Variants in SYNE1 observed in about 807,000 individuals in gnomAD.
The protein encoded by SYNE1 is spectrin repeat containing nuclear envelope protein 1.
In SYNE1, 616 loss-of-function variants were observed where a neutral mutation model predicts 1,111.0. The ratio of observed to expected loss-of-function variants is 0.55; its 90% CI spans 0.52 to 0.59. The LOEUF is 0.59. Among genes scored for constraint, SYNE1 ranks in the 20% least tolerant of loss-of-function variants. SYNE1 has a pLI of 0.00. For synonymous variants in SYNE1, 3,855 were observed against 3,825.8 expected, an observed-to-expected ratio of 1.01 and a Z score of -0.28; for missense variants, 10,006 against 10,417.0, an observed-to-expected ratio of 0.96 and a Z score of 1.72.
At chr6:152,150,951 C>A (rs1483869660) in intron 135 of SYNE1, among the ~76,000 whole-genome samples, 1 of 152,120 alleles carries the variant, frequency 6.6e-6, no homozygotes, top group African/African-American at 2.4e-5. Context: ...GTGGCTCACA[C>A]CTGTAATCCC....
In SYNE1 at chr6:152,477,418, C is replaced by T. The variant is rs143531456; in HGVS notation, c.1351-5005G>A. On this transcript the variant is annotated intron_variant, in intron 14 of 145. Coordinates refer to ENST00000367255, the MANE Select transcript of SYNE1 (RefSeq NM_182961.4). The stretch of plus-strand genomic sequence containing the variant: ...CTTAAAGAGATGAAGAAGAACACAA[C>T]GGGAATATCAGTAAGAGGATGTTTC... Among the ~76,000 whole-genome samples the T allele has an allele frequency of 1.2e-4, 19 of 152,082 alleles. No homozygotes were observed. In the East Asian group the frequency reaches 1.7e-3, roughly 14 times the overall value.
chr6:152,473,759 C>T (rs1406098308), intron 14 of SYNE1, among the ~76,000 whole-genome samples: 1 of 152,178 alleles, frequency 6.6e-6, no homozygotes, highest in Non-Finnish European at 1.5e-5. Context: ...CTGAAACTTT[C>T]CCAAGTGACT....
chr6:152,224,762 A>G (rs2081061341), intron 116 of SYNE1, 98 bp from the exon 117 acceptor site: 1 of 1,264,414 alleles, frequency 7.9e-7, no homozygotes, highest in African/African-American at 1.5e-5. Context: ...TAAGAACTTC[A>G]TCAGGGTTTC....
intron 127 of SYNE1, among the ~76,000 whole-genome samples, chr6:152,196,607 CTG>C (rs1050144919): frequency 3.3e-5 from 5 of 152,028 alleles, no homozygotes; most frequent in African/African-American, 7.2e-5. Flanking sequence ...GGCTTCATGA[CTG>C]TGCCCAGTAC....
chr6:152,624,847 A>T (rs1248124332), intron 3 of SYNE1, among the ~76,000 whole-genome samples: 1 of 152,206 alleles, frequency 6.6e-6, no homozygotes, highest in African/African-American at 2.4e-5. Context: ...CTAGCCCTAG[A>T]AATAAAAATT....
chr6:152,603,712 G>A (rs2099601657), intron 3 of SYNE1, among the ~76,000 whole-genome samples: 1 of 150,592 alleles, frequency 6.6e-6, no homozygotes, highest in African/African-American at 2.4e-5. Context: ...ATATAGATAT[G>A]TATATCTATA....
intron 9 of SYNE1, 31 bp downstream of exon 9, chr6:152,505,170 G>A (rs748586438): frequency 3.7e-6 from 6 of 1,608,116 alleles, no homozygotes; most frequent in East Asian, 2.2e-5. Flanking sequence ...CCGTGTTAAG[G>A]TATATAACAG....
intron 16 of SYNE1, among the ~76,000 whole-genome samples, chr6:152,471,297 G>A (rs2154278630): frequency 6.6e-6 from 1 of 152,154 alleles, no homozygotes; most frequent in South Asian, 2.1e-4. Context: ...AAAAATGTGG[G>A]TATGCAATAC....
chr6:152,160,291 T>G (rs1467854192), intron 131 of SYNE1, among the ~76,000 whole-genome samples: 6 of 152,348 alleles, frequency 3.9e-5, no homozygotes, highest in African/African-American at 7.2e-5. Context: ...TTTATAATGC[T>G]TGCTTCTATT....
chr6:152,484,055 A>AAAAAAAAAAAAAAAAAAAAAAAAAG (rs2098925936), intron 13 of SYNE1, among the ~76,000 whole-genome samples: 1 of 150,360 alleles, frequency 6.7e-6, no homozygotes, highest in Non-Finnish European at 1.5e-5. Flanking sequence ...AAAAAAAAAA[A>AAAAAAAAAAAAAAAAAAAAAAAAAG]AAAAAAATTA....
rs2063184016 is a variant in SYNE1 at position 152,164,379 on chromosome 6, T to A, written c.23628-54A>T. 3 of 1,606,710 alleles carry A rather than the reference T, an allele frequency of 1.9e-6. No homozygotes were observed. The Admixed American group carries it at 5.0e-5, about 27-fold the overall frequency. On this transcript the variant is annotated intron_variant, in intron 130 of 145. Transcript: ENST00000367255. ...CTTCAGCGAGAGGCCCACTCATGTTTCTCTAGCGTGCAGAGGAGAACACTG... is the reference window on the plus strand; with the variant it reads ...CTTCAGCGAGAGGCCCACTCATGTTACTCTAGCGTGCAGAGGAGAACACTG...
At position 152,568,463 on chromosome 6, in the gene SYNE1, C is replaced by G. The variant is rs112531440; in HGVS notation, c.68-28442G>C. ...GACTACAAATGCGTACCACCACACT[C>G]GGCTAATTTTTGTATTTTTAGTAGA... On this transcript the variant is annotated intron_variant, in intron 3 of 145. Coordinates refer to ENST00000367255, the MANE Select transcript of SYNE1 (RefSeq NM_182961.4). Among the ~76,000 whole-genome samples, 116 of 151,822 alleles carry G rather than the reference C, an allele frequency of 7.6e-4. No homozygotes were observed. The East Asian group carries it at 0.019, about 25-fold the overall frequency.
At position 152,134,963 on chromosome 6, in the gene SYNE1, G is replaced by A. The variant is rs13211987; in HGVS notation, c.25788+141C>T. 0.13 allele frequency: 140,309 copies of A among 1,089,152 alleles called. 10,034 individuals carry two copies. Among genetic ancestry groups the A allele is most frequent in the Non-Finnish European group, 0.14 (107,674 of 742,890 alleles). 67.5% of individuals were successfully genotyped at this position (1,089,152 alleles called of 1,614,324 possible). On this transcript the variant is annotated intron_variant, in intron 142 of 145. Transcript: ENST00000367255. ...TTACAAAGATTGGAAACCACAGGGA[G>A]TTAAAAAAGTGTAAAGTAGAGACTA...
chr6:152,376,030 C>T (rs1047571631), intron 58 of SYNE1: 3 of 193,470 alleles, frequency 1.6e-5, no homozygotes, highest in Non-Finnish European at 3.2e-5. Context: ...AATTTTTCCA[C>T]AGATGGGGTG....
chr6:152,467,500 T>C (rs1219571476), intron 16 of SYNE1, among the ~76,000 whole-genome samples: 2 of 152,218 alleles, frequency 1.3e-5, no homozygotes, highest in East Asian at 3.9e-4. Flanking sequence ...TTAGTATTGG[T>C]ACAAATTTCA....
At chr6:152,359,793 C>A (rs1197538241) in intron 64 of SYNE1, among the ~76,000 whole-genome samples, 1 of 151,900 alleles carries the variant, frequency 6.6e-6, no homozygotes, top group Non-Finnish European at 1.5e-5. Context: ...TACCCCAGCC[C>A]CCATGAAGCC....
At chr6:152,173,513 T>C (rs1452396217) in intron 130 of SYNE1, among the ~76,000 whole-genome samples, 2 of 152,184 alleles carry the variant, frequency 1.3e-5, no homozygotes, top group African/African-American at 4.8e-5. Flanking sequence ...ACCTAATACT[T>C]CAGCTGGCAG....
At chr6:152,322,935 C>T (rs1447498328) in intron 82 of SYNE1, among the ~76,000 whole-genome samples, 1 of 152,148 alleles carries the variant, frequency 6.6e-6, no homozygotes, top group Non-Finnish European at 1.5e-5. Flanking sequence ...TAGCTCTCTG[C>T]GGCTTGACTG....
chr6:152,135,965 G>A (rs1328869267), intron 141 of SYNE1, among the ~76,000 whole-genome samples: 1 of 152,130 alleles, frequency 6.6e-6, no homozygotes, highest in Non-Finnish European at 1.5e-5. Flanking sequence ...AAGACACTAA[G>A]TCCTTTCCTG....
Sources: gnomAD v4.1 joint callset for allele counts (sites outside exome capture counted in the v4.1 genomes callset) on GRCh38, gnomAD v4.1.1 for gene constraint, MANE v1.5 for transcripts, NCBI Gene and HGNC (gene_info 2026-07-23, HGNC 2026-07-21) for gene names.